The following PRDM11 variants were observed in gnomAD, a reference collection of about 807,000 sequenced individuals.
PRDM11 encodes PR domain-containing protein 11.
A neutral mutation model predicts 97.8 loss-of-function variants in PRDM11; 20 were observed. That is an observed-to-expected ratio of 0.20 (90% CI 0.14 to 0.30). PRDM11 has a LOEUF of 0.30. PRDM11 is among the 10% of genes least tolerant of loss of function. The pLI is 1.00. For missense variants in PRDM11, 1,139 were observed against 1,555.2 expected, an observed-to-expected ratio of 0.73 and a Z score of 4.50; for synonymous variants, 599 against 637.7, an observed-to-expected ratio of 0.94 and a Z score of 0.91.
chr11:45,223,941 A>G (rs1426474001), intron 6 of PRDM11, among the ~76,000 whole-genome samples: 1 of 152,164 alleles, frequency 6.6e-6, no homozygotes, highest in East Asian at 1.9e-4. Context: ...ACTCTCCCTT[A>G]TAGATTTCTC....
At position 45,219,753 on chromosome 11, in the gene PRDM11, C is replaced by G; in HGVS notation, c.738C>G (p.Ala246=). ...AGGAAACCATTCACCGCAACCTGGC[C>G]AGAGGTGAGTGCCATGCTCCACATG... ...MSQETIHRNL[A]RGEKRLQREK... The change falls in exon 6 of 8, where the codon GCC becomes GCG. Residue 246 remains alanine (A), a synonymous_variant. Coordinates refer to ENST00000683152, the MANE Select transcript of PRDM11 (RefSeq NM_001384648.1). The surrounding 1 kb of genome is among the most constrained non-coding windows in gnomAD (Gnocchi z 4.2). The G allele has an allele frequency of 6.2e-7, 1 of 1,613,056 alleles. No homozygotes were observed. The highest frequency in any genetic ancestry group is 1.3e-5 in the African/African-American group (1 of 75,036).
chr11:45,098,634 C>A (rs1258589157), intron 1 of PRDM11, among the ~76,000 whole-genome samples: 1 of 152,152 alleles, frequency 6.6e-6, no homozygotes, highest in East Asian at 1.9e-4. Flanking sequence ...TAACCACTAC[C>A]ATGACTATGG....
intron 1 of PRDM11, among the ~76,000 whole-genome samples, chr11:45,166,731 G>C (rs1281638804): frequency 6.6e-6 from 1 of 152,190 alleles, no homozygotes; most frequent in Non-Finnish European, 1.5e-5. Context: ...CACAGAGCTG[G>C]GCATCAGCCA....
rs1048460132 is a variant in PRDM11 at position 45,161,968 on chromosome 11, G to A, written c.-7+15091G>A. 1.1e-4 allele frequency among the ~76,000 whole-genome samples: 16 copies of A among 152,348 alleles called. No homozygotes were observed. In the East Asian group the frequency reaches 1.9e-3, roughly 18 times the overall value. ...TGGTAGCCAGGCCATCTGGTTCCCT[G>A]TCCGGTTCTTTTTCATGAGGCGACC... On this transcript the variant is annotated intron_variant, in intron 1 of 7. Transcript: ENST00000683152.
intron 1 of PRDM11, among the ~76,000 whole-genome samples, chr11:45,098,485 G>A (rs1254799493): frequency 1.3e-5 from 2 of 152,158 alleles, no homozygotes; most frequent in Non-Finnish European, 2.9e-5. Context: ...ATGAGATGAG[G>A]TCAGTGAGGT....
At chr11:45,113,763 G>A (rs1363694256) in intron 1 of PRDM11, among the ~76,000 whole-genome samples, 2 of 147,424 alleles carry the variant, frequency 1.4e-5, no homozygotes, top group Non-Finnish European at 3.0e-5. Flanking sequence ...CTTGGTTGTT[G>A]TTGGTGTATA....
At chr11:45,213,345 G>T (rs937525135) in intron 5 of PRDM11, 14 of 454,702 alleles carry the variant, frequency 3.1e-5, no homozygotes, top group Admixed American at 1.4e-4. Context: ...TTGCAGGGAG[G>T]GGGGCGCAAC....
At chr11:45,165,966 C>T (rs1852054292) in intron 1 of PRDM11, among the ~76,000 whole-genome samples, 1 of 152,192 alleles carries the variant, frequency 6.6e-6, no homozygotes, top group Admixed American at 6.5e-5. Context: ...GCACAGACTC[C>T]AGACAGCTGC....
chr11:45,104,592 A>G (rs1453885581), intron 1 of PRDM11, among the ~76,000 whole-genome samples: 1 of 152,126 alleles, frequency 6.6e-6, no homozygotes, highest in Non-Finnish European at 1.5e-5. Context: ...CCACCCAGCT[A>G]TGACCCATCT....
In PRDM11 at chr11:45,233,479, C is replaced by T. The variant is rs1002371426; in HGVS notation, c.*5320C>T. 6.6e-6 allele frequency: 1 copy of T among 152,222 alleles called. No homozygotes were observed. Among genetic ancestry groups the T allele is most frequent in the African/African-American group, 2.4e-5 (1 of 41,424 alleles). The allele number at this position is 152,222 out of a possible 1,614,324, so 9.4% of individuals were successfully genotyped here. A position where few individuals can be genotyped will look rare whatever the true frequency, so the allele number is the denominator to read the frequency against. ...CTTGGCAGTAGGACGTGGTCTCTGA[C>T]TCCTGGTGGAGGGACCACTGCACAA... On this transcript the variant is annotated 3_prime_UTR_variant, in exon 8 of 8. Transcript: ENST00000683152.
At chr11:45,200,101 C>G (rs11038349) in intron 4 of PRDM11, among the ~76,000 whole-genome samples, 1 of 152,230 alleles carries the variant, frequency 6.6e-6, no homozygotes, top group South Asian at 2.1e-4. Flanking sequence ...TGGCCTCTCC[C>G]TCCATGACAT....
intron 5 of PRDM11, chr11:45,214,204 T>C: frequency 6.1e-6 from 1 of 164,482 alleles, no homozygotes; most frequent in Non-Finnish European, 1.3e-5. Flanking sequence ...CATACACCTC[T>C]AGCTTCATGT....
At chr11:45,150,377 A>C (rs73464586) in intron 1 of PRDM11, among the ~76,000 whole-genome samples, 1 of 152,180 alleles carries the variant, frequency 6.6e-6, no homozygotes, top group African/African-American at 2.4e-5. Context: ...CTCTTCCATC[A>C]GACTCTACCA....
intron 1 of PRDM11, among the ~76,000 whole-genome samples, chr11:45,149,493 G>A (rs752841833): frequency 4.6e-5 from 7 of 152,230 alleles, no homozygotes; most frequent in Non-Finnish European, 7.3e-5. Context: ...GGAGTGTCTG[G>A]TGGTCCTTAG....
intron 1 of PRDM11, among the ~76,000 whole-genome samples, chr11:45,104,823 G>A (rs1328991583): frequency 1.3e-5 from 2 of 152,180 alleles, no homozygotes; most frequent in Non-Finnish European, 2.9e-5. Flanking sequence ...CGGGGACCCA[G>A]AGTTGGGTTC....
chr11:45,194,570 T>G lies in PRDM11; in HGVS notation c.487-10141T>G, dbSNP rs956431447. ...TGATTTGTATATCTCACAACAGTACTGTGGGATAGTTATTATCTTCTGTTT... is the reference window on the plus strand; with the variant it reads ...TGATTTGTATATCTCACAACAGTACGGTGGGATAGTTATTATCTTCTGTTT... On this transcript the variant is annotated intron_variant, in intron 4 of 7. Transcript: ENST00000683152. Among the ~76,000 whole-genome samples, 157 of 149,228 alleles carry G rather than the reference T, an allele frequency of 1.1e-3. 3 individuals carry two copies. The highest frequency in any genetic ancestry group is 3.6e-4 in the Non-Finnish European group (24 of 67,242).
intron 1 of PRDM11, among the ~76,000 whole-genome samples, chr11:45,122,236 C>CACACACACACACAG (rs570495237): frequency 2.5e-4 from 36 of 144,630 alleles, no homozygotes; most frequent in South Asian, 9.1e-4. Context: ...CACACACACA[C>CACACACACACACAG]AGAGAGAAAC....
Position 45,228,214 on chromosome 11 carries a change from C to T in PRDM11, c.*55C>T. On this transcript the variant is annotated 3_prime_UTR_variant, in exon 8 of 8. Coordinates refer to ENST00000683152, the MANE Select transcript of PRDM11 (RefSeq NM_001384648.1). ...GTTGAATATTTTTTTAATCTATACTCATAAGCTTTGATATATTATATAAAT... is the reference window on the plus strand; with the variant it reads ...GTTGAATATTTTTTTAATCTATACTTATAAGCTTTGATATATTATATAAAT... 1.8e-6 allele frequency: 2 copies of T among 1,138,834 alleles called. No homozygotes were observed. Among genetic ancestry groups the T allele is most frequent in the Non-Finnish European group, 2.2e-6 (2 of 891,682 alleles). 70.5% of individuals were successfully genotyped at this position (1,138,834 alleles called of 1,614,324 possible).
At chr11:45,213,782 A>AT (rs763102502) in intron 5 of PRDM11, 3 of 449,010 alleles carry the variant, frequency 6.7e-6, no homozygotes, top group South Asian at 4.7e-5. Context: ...TATAAGACAA[A>AT]TGACACAGCC....
Sources: gnomAD v4.1 joint callset for allele counts (sites outside exome capture counted in the v4.1 genomes callset) on GRCh38, gnomAD v4.1.1 for gene constraint, Gnocchi (gnomAD v3.1) non-coding constraint, MANE v1.5 for transcripts, NCBI Gene and HGNC (gene_info 2026-07-23, HGNC 2026-07-21) for gene names.